The following COL22A1 variants were observed in gnomAD, a reference collection of about 807,000 sequenced individuals.
COL22A1 encodes collagen type XXII alpha 1 chain, also known as collagen alpha-1(XXII) chain.
In COL22A1, 221 loss-of-function variants were observed where a neutral mutation model predicts 248.9. The observed-to-expected ratio is 0.89, with a 90% CI of 0.80 to 0.99. COL22A1 has a LOEUF of 0.99. COL22A1 is among the 50% of genes least tolerant of loss of function. The pLI is 0.00. For missense variants in COL22A1, 2,240 were observed against 2,179.0 expected, an observed-to-expected ratio of 1.03 and a Z score of -0.56; for synonymous variants, 891 against 793.4, an observed-to-expected ratio of 1.12 and a Z score of -2.07.
intron 45 of COL22A1, among the ~76,000 whole-genome samples, chr8:138,650,374 T>C (rs1470824809): frequency 6.6e-6 from 1 of 152,238 alleles, no homozygotes; most frequent in African/African-American, 2.4e-5. Context: ...TTCCCTGGAA[T>C]TGGGCTTTGT....
chr8:138,861,731 T>C (rs1822473474), intron 3 of COL22A1, among the ~76,000 whole-genome samples: 1 of 152,172 alleles, frequency 6.6e-6, no homozygotes, highest in African/African-American at 2.4e-5. Flanking sequence ...GCAACCTGCT[T>C]TTCCACCCAA....
intron 31 of COL22A1, among the ~76,000 whole-genome samples, chr8:138,702,683 A>ATAC (rs1481061503): frequency 6.6e-6 from 1 of 152,170 alleles, no homozygotes; most frequent in African/African-American, 2.4e-5. Flanking sequence ...AATAATAATA[A>ATAC]TAGCAATTTT....
intron 16 of COL22A1, among the ~76,000 whole-genome samples, chr8:138,764,161 C>A (rs536718295): frequency 6.6e-6 from 1 of 152,176 alleles, no homozygotes; most frequent in Non-Finnish European, 1.5e-5. Flanking sequence ...CAGCTCATGG[C>A]TGCTGTGCTC....
chr8:138,809,511 T>C (rs1003819196), intron 9 of COL22A1, among the ~76,000 whole-genome samples: 1 of 126,634 alleles, frequency 7.9e-6, no homozygotes, highest in Non-Finnish European at 1.7e-5. Context: ...TTTTTCTTCT[T>C]CTCTTTTTTT....
chr8:138,594,030 G>T lies in COL22A1; in HGVS notation c.4602C>A (p.Pro1534=). 4.5e-6 allele frequency: 7 copies of T among 1,571,244 alleles called. No homozygotes were observed. The highest frequency in any genetic ancestry group is 1.2e-5 in the South Asian group (1 of 85,598). ...GTCTTCACTCACCTTTGGGACCTAT[G>T]GGTCCAGAGGGTCCTTCCAGACCCC... ...GQGGLEGPSG[P]IGPKGERGAK... is the part of the protein sequence containing the mutation. Residue 1534 remains proline, a synonymous_variant, in exon 63 of 65, where the codon CCC becomes CCA. Coordinates refer to ENST00000303045, the MANE Select transcript of COL22A1 (RefSeq NM_152888.3).
At chr8:138,771,244 A>G (rs1444490103) in intron 16 of COL22A1, among the ~76,000 whole-genome samples, 1 of 152,166 alleles carries the variant, frequency 6.6e-6, no homozygotes, top group Non-Finnish European at 1.5e-5. Flanking sequence ...CTTACCCCAA[A>G]GGAAGCTCCC....
In COL22A1 at chr8:138,821,121, C is replaced by G. The variant is rs185778557; in HGVS notation, c.1245+15G>C. 0.011 allele frequency: 17,608 copies of G among 1,606,418 alleles called. 101 individuals carry two copies. Among genetic ancestry groups the G allele is most frequent in the Non-Finnish European group, 0.013 (14,889 of 1,173,672 alleles). On this transcript the variant is annotated intron_variant, in intron 7 of 64. Coordinates refer to ENST00000303045, the MANE Select transcript of COL22A1 (RefSeq NM_152888.3). ...GGCCTGGAACCTGGGCTGCAGAAGG[C>G]CCCCTGGTACTCACGTCAATGGGCA...
chr8:138,817,565 G>T (rs1455144534), intron 7 of COL22A1, among the ~76,000 whole-genome samples: 1 of 152,102 alleles, frequency 6.6e-6, no homozygotes, highest in Non-Finnish European at 1.5e-5. Flanking sequence ...ACTATACTAG[G>T]GTGTTGTATG....
At position 138,658,292 on chromosome 8, in the gene COL22A1, C is replaced by T. The variant is rs528794782; in HGVS notation, c.3285+2144G>A. Among the ~76,000 whole-genome samples the T allele has an allele frequency of 6.6e-5, 10 of 152,320 alleles. No individual in the cohort carries two copies. The South Asian group carries it at 8.3e-4, about 13-fold the overall frequency. Reference sequence around the variant, plus strand: ...GCCTGGTTCCTGGGAATTACCTCTACGCCCTTGGAATGTCCTGCCTGGTAA... The same window carrying T: ...GCCTGGTTCCTGGGAATTACCTCTATGCCCTTGGAATGTCCTGCCTGGTAA... On this transcript the variant is annotated intron_variant, in intron 44 of 64. Coordinates refer to ENST00000303045, the MANE Select transcript of COL22A1 (RefSeq NM_152888.3).
chr8:138,647,027 G>A (rs973985648), intron 46 of COL22A1, among the ~76,000 whole-genome samples: 3 of 152,190 alleles, frequency 2.0e-5, no homozygotes, highest in African/African-American at 4.8e-5. Context: ...CAGAAGTGAT[G>A]GTGTGTACTT....
At chr8:138,798,260 T>A (rs1040617520) in intron 11 of COL22A1, among the ~76,000 whole-genome samples, 2 of 151,758 alleles carry the variant, frequency 1.3e-5, no homozygotes, top group African/African-American at 4.8e-5. Flanking sequence ...TCATGTAGTA[T>A]ATTCACATAT....
intron 4 of COL22A1, among the ~76,000 whole-genome samples, chr8:138,835,155 G>T (rs1252293957): frequency 6.6e-6 from 1 of 152,168 alleles, no homozygotes; most frequent in Non-Finnish European, 1.5e-5. Context: ...GCACTTTTTG[G>T]ATTGGACCGT....
At chr8:138,601,397 A>T (rs1035607937) in intron 60 of COL22A1, among the ~76,000 whole-genome samples, 2 of 152,100 alleles carry the variant, frequency 1.3e-5, no homozygotes, top group Admixed American at 6.5e-5. Context: ...GAAAGCCGAG[A>T]TAAATTCTTT....
intron 60 of COL22A1, among the ~76,000 whole-genome samples, chr8:138,600,451 T>C (rs989673670): frequency 6.6e-6 from 1 of 152,134 alleles, no homozygotes; most frequent in African/African-American, 2.4e-5. Context: ...AGTGAGACAA[T>C]AGATAACGTC....
rs113463038 is a variant in COL22A1, at chr8:138,712,113, G to A, written c.2517+3569C>T. 6.9e-3 allele frequency among the ~76,000 whole-genome samples: 1,049 copies of A among 152,312 alleles called. 13 individuals carry two copies. Among genetic ancestry groups the A allele is most frequent in the African/African-American group, 0.024 (987 of 41,578 alleles). On this transcript the variant is annotated intron_variant, in intron 30 of 64. Coordinates refer to ENST00000303045, the MANE Select transcript of COL22A1 (RefSeq NM_152888.3). The stretch of plus-strand genomic sequence containing the variant: ...CCTGCACTCAGTGAGCCTGCCACAA[G>A]TCATCCACCAACAGGAAATCCTTAT...
chr8:138,767,014 G>A (rs1461479998), intron 16 of COL22A1, among the ~76,000 whole-genome samples: 1 of 152,196 alleles, frequency 6.6e-6, no homozygotes, highest in East Asian at 1.9e-4. Flanking sequence ...GTGGTTAACC[G>A]CACGACTCAG....
chr8:138,645,186 A>T (rs1270035875), intron 47 of COL22A1, among the ~76,000 whole-genome samples: 1 of 152,174 alleles, frequency 6.6e-6, no homozygotes, highest in African/African-American at 2.4e-5. Flanking sequence ...GAGATTTAAG[A>T]TGCTAATGAG....
chr8:138,722,515 G>C (rs572437845), intron 25 of COL22A1, among the ~76,000 whole-genome samples: 1 of 152,144 alleles, frequency 6.6e-6, no homozygotes, highest in East Asian at 1.9e-4. Flanking sequence ...CCTTCCTCTT[G>C]TCCTTCAAAA....
Position 138,588,967 on chromosome 8 carries a change from T to C in COL22A1, c.*286A>G, listed in dbSNP as rs1816812442. The stretch of plus-strand genomic sequence containing the variant: ...ATCTCCTGCCCCACGAATCAAGTTT[T>C]CCCAACTTTAAAGGAGTGGAAAAGA... On this transcript the variant is annotated 3_prime_UTR_variant, in exon 65 of 65. Coordinates refer to ENST00000303045, the MANE Select transcript of COL22A1 (RefSeq NM_152888.3). 1 of 259,920 alleles carries C rather than the reference T, an allele frequency of 3.8e-6. No individual in the cohort carries two copies. Among genetic ancestry groups the C allele is most frequent in the African/African-American group, 2.2e-5 (1 of 44,892 alleles). 16.1% of individuals were successfully genotyped at this position (259,920 alleles called of 1,614,324 possible).
Sources: allele counts gnomAD v4.1 joint callset (sites outside exome capture counted in the v4.1 genomes callset), GRCh38; gene constraint gnomAD v4.1.1; transcripts MANE v1.5; gene names NCBI Gene and HGNC (gene_info 2026-07-23, HGNC 2026-07-21).